The following TCERG1 variants were observed in gnomAD, a reference collection of about 807,000 sequenced individuals.
TCERG1 encodes transcription elongation regulator 1, also known as TATA box binding protein (TBP)-associated factor, RNA polymerase II, S, 150kD.
A neutral mutation model predicts 144.7 loss-of-function variants in TCERG1; 37 were observed. That is an observed-to-expected ratio of 0.26 (90% CI 0.20 to 0.34). The LOEUF is 0.34. Among genes scored for constraint, TCERG1 ranks in the 10% least tolerant of loss-of-function variants. The pLI, the probability that TCERG1 is intolerant of heterozygous loss-of-function variation, is 1.00. For synonymous variants in TCERG1, 492 were observed against 458.2 expected (o/e 1.07, Z -0.94); for missense variants, 1,027 against 1,380.7 (o/e 0.74, Z 4.06).
In TCERG1 at chr5:146,496,870, T is replaced by G. The variant is rs1315118802; in HGVS notation, c.2283-1666T>G. On this transcript the variant is annotated intron_variant, in intron 16 of 22. Coordinates refer to ENST00000679501, the MANE Select transcript of TCERG1 (RefSeq NM_001382548.1). Reference sequence around the variant, plus strand: ...TGTAGGGACAGAGCCTCACTATGTGTTTTTTTTTTTTTTTTTTTTTTGAGA... The same window carrying G: ...TGTAGGGACAGAGCCTCACTATGTGGTTTTTTTTTTTTTTTTTTTTTGAGA... Among the ~76,000 whole-genome samples, 6 of 10,282 alleles carry G rather than the reference T, an allele frequency of 5.8e-4. No homozygotes were observed. In the South Asian group the frequency reaches 0.056, roughly 95 times the overall value. 6.7% of individuals were successfully genotyped at this position (10,282 alleles called of 152,430 possible).
chr5:146,480,119 G>T, intron 12 of TCERG1, 25 bp downstream of exon 12: 1 of 1,532,298 alleles, frequency 6.5e-7, no homozygotes, highest in South Asian at 1.2e-5. Flanking sequence ...CGATTTGATT[G>T]AGGTAGATTA....
At chr5:146,454,966 C>T (rs10044956) in intron 1 of TCERG1, 90 bp from the exon 2 acceptor site, 320,807 of 1,394,074 alleles carry the variant, frequency 0.23, 46,820 homozygotes, top group East Asian at 0.85. Flanking sequence ...ACTTAAGAAC[C>T]TTTTAAATTT....
intron 4 of TCERG1, 92 bp from the exon 5 acceptor site, chr5:146,463,459 A>G (rs1763512635): frequency 1.3e-6 from 2 of 1,562,764 alleles, no homozygotes; most frequent in African/African-American, 2.7e-5. Context: ...GGTCCCTTAA[A>G]TACTTAAATT....
At chr5:146,477,130 A>G (rs913708306) in intron 9 of TCERG1, among the ~76,000 whole-genome samples, 1 of 151,494 alleles carries the variant, frequency 6.6e-6, no homozygotes, top group African/African-American at 2.4e-5. Context: ...GAGCCAATCC[A>G]GTGAAATTTA....
chr5:146,449,820 T>C (rs560563772), intron 1 of TCERG1, among the ~76,000 whole-genome samples: 1 of 152,334 alleles, frequency 6.6e-6, no homozygotes, highest in South Asian at 2.1e-4. Flanking sequence ...GTCATTTGTA[T>C]AGATCCTTTC....
At chr5:146,482,165 G>A (rs1765417630) in intron 13 of TCERG1, 1 of 152,090 alleles carries the variant, frequency 6.6e-6, no homozygotes, top group African/African-American at 2.4e-5. Context: ...AATATTTTAT[G>A]TGTTTATAAT....
chr5:146,466,905 G>A (rs1763840151), intron 5 of TCERG1, among the ~76,000 whole-genome samples: 3 of 152,176 alleles, frequency 2.0e-5, no homozygotes, highest in Admixed American at 2.0e-4. Flanking sequence ...ATATTCATAA[G>A]AATTGAATTT....
chr5:146,502,116 G>A (rs1459969445), intron 17 of TCERG1, among the ~76,000 whole-genome samples: 5 of 151,944 alleles, frequency 3.3e-5, no homozygotes, highest in African/African-American at 7.2e-5. Flanking sequence ...GGCTGGTCTC[G>A]AACTCGTGAC....
Position 146,469,755 on chromosome 5 carries a change from G to A in TCERG1, c.1399+11G>A. 1.3e-6 allele frequency: 2 copies of A among 1,549,134 alleles called. No individual in the cohort carries two copies. The highest frequency in any genetic ancestry group is 8.7e-7 in the Non-Finnish European group (1 of 1,148,346). On this transcript the variant is annotated intron_variant, in intron 7 of 22. Transcript: ENST00000679501. ...AACTAAAGGAAAAAGGTATATAGTG[G>A]TTTTAATGACTTGGAAAGTAGTATA...
At chr5:146,489,750 A>G (rs1245962117) in intron 15 of TCERG1, among the ~76,000 whole-genome samples, 2 of 152,214 alleles carry the variant, frequency 1.3e-5, no homozygotes, top group African/African-American at 4.8e-5. Context: ...AGTGAACTTA[A>G]CAGAATTATT....
intron 1 of TCERG1, among the ~76,000 whole-genome samples, chr5:146,451,704 G>A (rs1358225238): frequency 1.3e-5 from 2 of 148,890 alleles, no homozygotes; most frequent in African/African-American, 2.5e-5. Context: ...TATACTTGGT[G>A]TAGTAGTTCT....
intron 1 of TCERG1, among the ~76,000 whole-genome samples, chr5:146,451,650 T>G (rs1015340712): frequency 6.6e-6 from 1 of 151,550 alleles, no homozygotes; most frequent in African/African-American, 2.4e-5. Flanking sequence ...TAACTCATAT[T>G]TTCTAACCTT....
intron 22 of TCERG1, among the ~76,000 whole-genome samples, chr5:146,509,781 A>G (rs537045645): frequency 3.3e-4 from 51 of 152,296 alleles, no homozygotes; most frequent in African/African-American, 1.2e-3. Context: ...AGCAAACCCA[A>G]CAGTTCTTCA....
intron 21 of TCERG1, among the ~76,000 whole-genome samples, 171 bp downstream of exon 21, chr5:146,508,127 A>C (rs1463138590): frequency 6.6e-6 from 1 of 152,230 alleles, no homozygotes; most frequent in Non-Finnish European, 1.5e-5. Flanking sequence ...TTGCATGATA[A>C]ATTAGCAAGA....
At chr5:146,452,283 C>T (rs1307309204) in intron 1 of TCERG1, among the ~76,000 whole-genome samples, 1 of 148,382 alleles carries the variant, frequency 6.7e-6, no homozygotes, top group Non-Finnish European at 1.5e-5. Flanking sequence ...TAATTCCTCT[C>T]TTGAGGACAG....
intron 15 of TCERG1, among the ~76,000 whole-genome samples, chr5:146,490,152 A>C (rs10058265): frequency 0.18 from 27,170 of 152,106 alleles, 3,728 homozygotes; most frequent in East Asian, 0.79. Flanking sequence ...CTGCAATGCT[A>C]TACTTAGAGG....
At chr5:146,481,036 C>A in intron 12 of TCERG1, 114 bp from the exon 13 acceptor site, 1 of 226,592 alleles carries the variant, frequency 4.4e-6, no homozygotes, top group African/African-American at 2.4e-5. Flanking sequence ...TGACTGTATT[C>A]ATTCTGTTTA....
At chr5:146,490,907 C>T (rs1385950226) in intron 15 of TCERG1, among the ~76,000 whole-genome samples, 1 of 151,968 alleles carries the variant, frequency 6.6e-6, no homozygotes, top group African/African-American at 2.4e-5. Context: ...TTTATTGTGT[C>T]TTTTAATTCC....
intron 15 of TCERG1, among the ~76,000 whole-genome samples, chr5:146,487,731 CA>C (rs60367472): frequency 0.03 from 3,190 of 107,978 alleles, 83 homozygotes; most frequent in African/African-American, 0.076. Flanking sequence ...GACCCTGTTT[CA>C]AAAAAAAAAA....
Sources: allele counts gnomAD v4.1 joint callset (sites outside exome capture counted in the v4.1 genomes callset), GRCh38; gene constraint gnomAD v4.1.1; transcripts MANE v1.5; gene names NCBI Gene and HGNC (gene_info 2026-07-23, HGNC 2026-07-21).